Variants in RBM18 observed in about 807,000 individuals in gnomAD.
RBM18 encodes the protein probable RNA-binding protein 18.
In RBM18, 18 loss-of-function variants were observed where a neutral mutation model predicts 26.4. The ratio of observed to expected loss-of-function variants is 0.68; its 90% CI spans 0.47 to 1.01. RBM18 has a LOEUF of 1.01. Among genes scored for constraint, RBM18 ranks in the 50% least tolerant of loss-of-function variants. The pLI, the probability that RBM18 is intolerant of heterozygous loss-of-function variation, is 0.00. For missense variants in RBM18, 180 were observed against 219.2 expected (o/e 0.82, Z 1.13); for synonymous variants, 74 against 81.1 (o/e 0.91, Z 0.47).
At position 122,237,898 on chromosome 9, in the gene RBM18, G is replaced by C. The variant is rs151057938; in HGVS notation, c.*3986C>G. 6.6e-6 allele frequency: 1 copy of C among 151,926 alleles called. No homozygotes were observed. Among genetic ancestry groups the C allele is most frequent in the South Asian group, 2.1e-4 (1 of 4,832 alleles). 9.4% of individuals were successfully genotyped at this position (151,926 alleles called of 1,614,324 possible). ...TAACATACACTGAGATTTGAATTTC[G>C]TATCATTTTCATGTCACAATATAGT... On this transcript the variant is annotated 3_prime_UTR_variant, in exon 6 of 6. Transcript: ENST00000417201.
rs1831363677 is a variant in RBM18 at position 122,238,492 on chromosome 9, T to C, written c.*3392A>G. 1 of 152,160 alleles carries C rather than the reference T, an allele frequency of 6.6e-6. No homozygotes were observed. Among genetic ancestry groups the C allele is most frequent in the Non-Finnish European group, 1.5e-5 (1 of 68,012 alleles). 9.4% of individuals were successfully genotyped at this position (152,160 alleles called of 1,614,324 possible). A position where few individuals can be genotyped will look rare whatever the true frequency, so the allele number is the denominator to read the frequency against. On this transcript the variant is annotated 3_prime_UTR_variant, in exon 6 of 6. Transcript: ENST00000417201. ...ATGAGTCAGGTGAGAGAGCGGGCTCTGCGGCTATCTGGAGAAAGAGCGTTC... is the reference window on the plus strand; with the variant it reads ...ATGAGTCAGGTGAGAGAGCGGGCTCCGCGGCTATCTGGAGAAAGAGCGTTC...
At chr9:122,247,103 A>G (rs1338003972) in intron 4 of RBM18, among the ~76,000 whole-genome samples, 1 of 152,176 alleles carries the variant, frequency 6.6e-6, no homozygotes, top group Non-Finnish European at 1.5e-5. Flanking sequence ...ACTCACAGAA[A>G]CTACCCATGT....
intron 2 of RBM18, among the ~76,000 whole-genome samples, chr9:122,252,857 T>C (rs1831626110): frequency 6.6e-6 from 1 of 152,246 alleles, no homozygotes; most frequent in African/African-American, 2.4e-5. Context: ...ACTCCAAAAC[T>C]TACTTGGTTT....
intron 2 of RBM18, among the ~76,000 whole-genome samples, chr9:122,258,717 T>C (rs997393379): frequency 4.6e-5 from 7 of 151,914 alleles, no homozygotes; most frequent in Non-Finnish European, 8.8e-5. Flanking sequence ...ATCAGGAGGA[T>C]TGCTTAAGCC....
intron 1 of RBM18, among the ~76,000 whole-genome samples, chr9:122,264,192 T>C (rs1831902095): frequency 6.6e-6 from 1 of 152,228 alleles, no homozygotes; most frequent in Non-Finnish European, 1.5e-5. Context: ...AAGACTTAGT[T>C]TCTTTTTCCT....
At chr9:122,250,279 C>A (rs888960768) in intron 3 of RBM18, among the ~76,000 whole-genome samples, 1 of 152,116 alleles carries the variant, frequency 6.6e-6, no homozygotes, top group Non-Finnish European at 1.5e-5. Context: ...TGAAGACAAT[C>A]TGGCAGTTTT....
chr9:122,240,744 A>T lies in RBM18; in HGVS notation c.*1140T>A, dbSNP rs896277003. 6.6e-6 allele frequency: 1 copy of T among 152,218 alleles called. No homozygotes were observed. The highest frequency in any genetic ancestry group is 2.4e-5 in the African/African-American group (1 of 41,460). The allele number at this position is 152,218 out of a possible 1,614,324, so 9.4% of individuals were successfully genotyped here. A position where few individuals can be genotyped will look rare whatever the true frequency, so the allele number is the denominator to read the frequency against. ...ATTCAGGATGCTTAGAGTGACAAAC[A>T]TATCTAGAGGCAAGTATGTTCTCCA... On this transcript the variant is annotated 3_prime_UTR_variant, in exon 6 of 6. Transcript: ENST00000417201.
intron 1 of RBM18, among the ~76,000 whole-genome samples, chr9:122,263,676 T>C (rs759483390): frequency 6.6e-6 from 1 of 152,202 alleles, no homozygotes; most frequent in African/African-American, 2.4e-5. Context: ...TCGACGACTA[T>C]AGATTGAGTG....
Position 122,261,365 on chromosome 9 carries a change from G to A in RBM18, c.113+15C>T. ...CCAATATTGTAGGTAAAAAACTAAG[G>A]TAACTTAGACTTACTCGGTAATTTT... On this transcript the variant is annotated intron_variant, in intron 2 of 5. Transcript: ENST00000417201. 1.3e-6 allele frequency: 2 copies of A among 1,572,498 alleles called. No homozygotes were observed. Among genetic ancestry groups the A allele is most frequent in the South Asian group, 1.1e-5 (1 of 90,202 alleles).
At chr9:122,256,435 A>T (rs1365007927) in intron 2 of RBM18, among the ~76,000 whole-genome samples, 1 of 152,216 alleles carries the variant, frequency 6.6e-6, no homozygotes, top group Non-Finnish European at 1.5e-5. Flanking sequence ...TACACAGCAC[A>T]TCTAATACTT....
Position 122,250,388 on chromosome 9 carries a change from A to G in RBM18, c.240+1459T>C, listed in dbSNP as rs1015288816. Among the ~76,000 whole-genome samples the G allele has an allele frequency of 2.6e-5, 4 of 152,256 alleles. No individual in the cohort carries two copies. In the South Asian group the frequency reaches 8.3e-4, roughly 31 times the overall value. On this transcript the variant is annotated intron_variant, in intron 3 of 5. Coordinates refer to ENST00000417201, the MANE Select transcript of RBM18 (RefSeq NM_033117.4). ...AGCTGTAAAAATACTCACTCTTGTG[A>G]TATTTATACTAGTGAATCAACCCAA...
intron 2 of RBM18, among the ~76,000 whole-genome samples, chr9:122,259,996 C>T (rs1435811627): frequency 6.6e-6 from 1 of 152,088 alleles, no homozygotes; most frequent in Non-Finnish European, 1.5e-5. Context: ...GCCCGGCCTC[C>T]CCTTGTCTTT....
chr9:122,245,442 T>C (rs747101014), intron 4 of RBM18, 101 bp from the exon 5 acceptor site: 6 of 667,734 alleles, frequency 9.0e-6, no homozygotes, highest in African/African-American at 1.8e-5. Context: ...TATCATCAGC[T>C]TACTTCTAGA....
In RBM18 at chr9:122,239,388, T is replaced by C. The variant is rs921519323; in HGVS notation, c.*2496A>G. On this transcript the variant is annotated 3_prime_UTR_variant, in exon 6 of 6. Transcript: ENST00000417201. ...GTGATACTCCTCCCCAGTACTAAGA[T>C]ACCAATTATAGAAAATCAACTGGTT... 5 of 152,182 alleles carry C rather than the reference T, an allele frequency of 3.3e-5. No individual in the cohort carries two copies. The South Asian group carries it at 8.3e-4, about 25-fold the overall frequency. The allele number at this position is 152,182 out of a possible 1,614,324, so 9.4% of individuals were successfully genotyped here.
intron 2 of RBM18, among the ~76,000 whole-genome samples, chr9:122,259,317 T>C (rs1415316117): frequency 6.6e-6 from 1 of 151,744 alleles, no homozygotes; most frequent in Admixed American, 6.6e-5. Flanking sequence ...CAGGCAGAGG[T>C]GGGAATGGAA....
intron 4 of RBM18, among the ~76,000 whole-genome samples, chr9:122,246,363 G>A (rs1354639378): frequency 3.3e-5 from 5 of 152,168 alleles, no homozygotes; most frequent in African/African-American, 1.2e-4. Flanking sequence ...GCAATCAAGA[G>A]CCTCTGGTCA....
In RBM18 at chr9:122,241,612, A is replaced by T. The variant is rs959017193; in HGVS notation, c.*272T>A. 3.1e-6 allele frequency: 1 copy of T among 320,738 alleles called. No individual in the cohort carries two copies. The highest frequency in any genetic ancestry group is 5.7e-6 in the Non-Finnish European group (1 of 176,420). The allele number at this position is 320,738 out of a possible 1,614,324, so 19.9% of individuals were successfully genotyped here. A position where few individuals can be genotyped will look rare whatever the true frequency, so the allele number is the denominator to read the frequency against. On this transcript the variant is annotated 3_prime_UTR_variant, in exon 6 of 6. Coordinates refer to ENST00000417201, the MANE Select transcript of RBM18 (RefSeq NM_033117.4). ...CTGGCACACTATAGAATGTTTCTGG[A>T]GTTACAAATCCAAACCAACCAGCCA...
At chr9:122,256,854 G>C (rs1236076824) in intron 2 of RBM18, among the ~76,000 whole-genome samples, 1 of 152,170 alleles carries the variant, frequency 6.6e-6, no homozygotes, top group African/African-American at 2.4e-5. Flanking sequence ...AGAGCTAGAA[G>C]TAATGCTCAG....
intron 2 of RBM18, among the ~76,000 whole-genome samples, chr9:122,257,125 G>A (rs1259141565): frequency 6.6e-6 from 1 of 152,130 alleles, no homozygotes; most frequent in African/African-American, 2.4e-5. Flanking sequence ...GCCCAGGCTG[G>A]AGTGCAGCGG....
Sources: allele counts gnomAD v4.1 joint callset (sites outside exome capture counted in the v4.1 genomes callset), GRCh38; gene constraint gnomAD v4.1.1; transcripts MANE v1.5; gene names NCBI Gene and HGNC (gene_info 2026-07-23, HGNC 2026-07-21).